Variants in ZNF565 observed in about 807,000 individuals in gnomAD.
The protein encoded by ZNF565 is zinc finger protein 565.
ZNF565 carries 27 observed loss-of-function variants against 39.4 expected under a neutral mutation model. The observed-to-expected ratio is 0.69, with a 90% CI of 0.51 to 0.95. ZNF565 has a LOEUF of 0.95. Among genes scored for constraint, ZNF565 ranks in the 40% least tolerant of loss-of-function variants. The probability of loss-of-function intolerance (pLI) is 0.00; values close to 1 mark genes in which losing one functional copy is unlikely to be tolerated. For synonymous variants in ZNF565, 185 were observed against 216.6 expected (o/e 0.85, Z 1.28); for missense variants, 524 against 621.1 (o/e 0.84, Z 1.66).
intron 2 of ZNF565, among the ~76,000 whole-genome samples, chr19:36,198,036 C>A (rs534870424): frequency 1.4e-4 from 22 of 152,010 alleles, no homozygotes; most frequent in African/African-American, 5.3e-4. Context: ...GTAATCCCAG[C>A]TACTTGGGAG....
rs766783590 is a variant in ZNF565, at chr19:36,194,333, T to A, written c.137-5A>T. The A allele has an allele frequency of 1.2e-6, 2 of 1,604,286 alleles. No homozygotes were observed. The highest frequency in any genetic ancestry group is 1.7e-6 in the Non-Finnish European group (2 of 1,174,756). ...CAGGCTTAGAAATGGAGAGTCCTGT[T>A]TACAGGAAAAGAAATGGGGTGTGAT... On this transcript the variant is annotated splice_region_variant and splice_polypyrimidine_tract_variant and intron_variant, in intron 3 of 4. Coordinates refer to ENST00000304116, the MANE Select transcript of ZNF565 (RefSeq NM_152477.5).
chr19:36,189,481 A>ATT (rs1017419914), intron 4 of ZNF565, among the ~76,000 whole-genome samples: 1 of 143,708 alleles, frequency 7.0e-6, no homozygotes. Flanking sequence ...TGCCCGGCTA[A>ATT]TTTTTTTTTT....
rs150881448 is a variant in ZNF565 at position 36,205,889 on chromosome 19, A to G, written c.-65-3839T>C. ...TCATATTTACTGGGCTCCTGTGTCA[A>G]CTGGCACTGTTCTAGGAACGAGGAA... On this transcript the variant is annotated intron_variant, in intron 1 of 4. Coordinates refer to ENST00000304116, the MANE Select transcript of ZNF565 (RefSeq NM_152477.5). 9.2e-5 allele frequency among the ~76,000 whole-genome samples: 14 copies of G among 152,260 alleles called. 1 individual carries two copies. Among genetic ancestry groups the G allele is most frequent in the African/African-American group, 3.4e-4 (14 of 41,558 alleles).
At chr19:36,190,881 A>C (rs1291162580) in intron 4 of ZNF565, among the ~76,000 whole-genome samples, 1 of 151,146 alleles carries the variant, frequency 6.6e-6, no homozygotes, top group Admixed American at 6.6e-5. Flanking sequence ...ATTCCCAACT[A>C]CTTGGGAAGC....
At chr19:36,237,313 TC>T in intron 1 of ZNF565, 8 of 1,601,846 alleles carry the variant, frequency 5.0e-6, no homozygotes, top group Non-Finnish European at 6.8e-6. Flanking sequence ...AAATTCATAC[TC>T]ACTAAAAACC....
intron 1 of ZNF565, among the ~76,000 whole-genome samples, chr19:36,225,752 CTT>C (rs67760026): frequency 0.012 from 777 of 66,662 alleles, 6 homozygotes; most frequent in African/African-American, 0.039. Context: ...CTTTGTGATT[CTT>C]TTTTTTTTTT....
intron 1 of ZNF565, among the ~76,000 whole-genome samples, chr19:36,231,630 T>C (rs1419311070): frequency 6.6e-6 from 1 of 152,212 alleles, no homozygotes; most frequent in Non-Finnish European, 1.5e-5. Flanking sequence ...TTCATTCTCA[T>C]TGTGTCAGAA....
At chr19:36,241,155 A>G (rs1215906274) in intron 1 of ZNF565, among the ~76,000 whole-genome samples, 1 of 152,214 alleles carries the variant, frequency 6.6e-6, no homozygotes, top group Non-Finnish European at 1.5e-5. Flanking sequence ...TTTCAACTAG[A>G]ATGCCAAACT....
chr19:36,228,859 A>C (rs1412572894), intron 1 of ZNF565: 1 of 152,318 alleles, frequency 6.6e-6, no homozygotes, highest in Admixed American at 6.5e-5. Flanking sequence ...TTCAGTCAGC[A>C]TTGAGTCCTC....
chr19:36,234,763 C>T (rs1351727694), intron 1 of ZNF565, among the ~76,000 whole-genome samples: 3 of 152,174 alleles, frequency 2.0e-5, no homozygotes, highest in African/African-American at 7.2e-5. Context: ...TGGGTTTAAT[C>T]TCTGATTTCC....
intron 1 of ZNF565, among the ~76,000 whole-genome samples, chr19:36,204,841 T>G (rs1213674671): frequency 6.6e-6 from 1 of 151,632 alleles, no homozygotes; most frequent in African/African-American, 2.4e-5. Context: ...AATACAAAAA[T>G]TAGCCAGGCA....
chr19:36,243,783 C>T (rs1412960780), intron 1 of ZNF565, among the ~76,000 whole-genome samples: 1 of 151,514 alleles, frequency 6.6e-6, no homozygotes, highest in Non-Finnish European at 1.5e-5. Flanking sequence ...CTCAGTGCAG[C>T]CTTGACCCCT....
chr19:36,215,945 T>G (rs1440880848), upstream of ZNF565, among the ~76,000 whole-genome samples: 2 of 152,210 alleles, frequency 1.3e-5, no homozygotes, highest in Non-Finnish European at 2.9e-5. Flanking sequence ...TCTTAATTCC[T>G]TAATGAGTCG....
chr19:36,234,162 A>T (rs2145458849), intron 1 of ZNF565, among the ~76,000 whole-genome samples: 1 of 152,344 alleles, frequency 6.6e-6, no homozygotes, highest in South Asian at 2.1e-4. Flanking sequence ...TTTAACGCTG[A>T]GTTGACACAG....
chr19:36,195,265 C>T, intron 2 of ZNF565, 109 bp from the exon 3 acceptor site: 2 of 1,305,254 alleles, frequency 1.5e-6, no homozygotes, highest in Admixed American at 2.2e-5. Flanking sequence ...GTAATGGCCC[C>T]CCGATATGCA....
chr19:36,212,598 G>C (rs1183931607), intron 1 of ZNF565, among the ~76,000 whole-genome samples: 1 of 151,862 alleles, frequency 6.6e-6, no homozygotes, highest in Non-Finnish European at 1.5e-5. Flanking sequence ...CTCCAGCATG[G>C]GTGACAGAGC....
intron 4 of ZNF565, among the ~76,000 whole-genome samples, chr19:36,186,312 T>G (rs1975297976): frequency 1.3e-5 from 2 of 152,130 alleles, no homozygotes; most frequent in Non-Finnish European, 2.9e-5. Context: ...ACTCACACTT[T>G]CAAGAAAGCT....
chr19:36,238,720 T>C (rs547245191), intron 1 of ZNF565: 86 of 167,228 alleles, frequency 5.1e-4, no homozygotes, highest in African/African-American at 2.0e-3. Flanking sequence ...TTGCTCTCTA[T>C]GTAATATGAA....
intron 3 of ZNF565, 125 bp from the exon 4 acceptor site, chr19:36,194,453 C>T (rs1249240242): frequency 1.6e-5 from 10 of 637,172 alleles, no homozygotes; most frequent in East Asian, 2.9e-5. Flanking sequence ...ATAGGAAGAC[C>T]GAGCTGCCCA....
Sources: gnomAD v4.1 joint callset for allele counts (sites outside exome capture counted in the v4.1 genomes callset) on GRCh38, gnomAD v4.1.1 for gene constraint, MANE v1.5 for transcripts, NCBI Gene and HGNC (gene_info 2026-07-23, HGNC 2026-07-21) for gene names.